The following MDGA2 variants were observed in gnomAD, a reference collection of about 807,000 sequenced individuals.
MDGA2 encodes the protein MAM domain-containing glycosylphosphatidylinositol anchor protein 2.
A neutral mutation model predicts 117.8 loss-of-function variants in MDGA2; 40 were observed. The observed-to-expected ratio is 0.34, with a 90% CI of 0.26 to 0.44. The LOEUF (loss-of-function observed/expected upper bound fraction) is 0.44. Ranked by LOEUF, MDGA2 falls within the 20% of genes least tolerant of loss-of-function variation. The probability of loss-of-function intolerance (pLI) is 1.00; values close to 1 mark genes in which losing one functional copy is unlikely to be tolerated. For synonymous variants in MDGA2, 452 were observed against 439.0 expected, an observed-to-expected ratio of 1.03 and a Z score of -0.37; for missense variants, 1,123 against 1,250.6, an observed-to-expected ratio of 0.90 and a Z score of 1.54.
chr14:47,228,174 A>G (rs2139560086), intron 2 of MDGA2, among the ~76,000 whole-genome samples: 1 of 152,310 alleles, frequency 6.6e-6, no homozygotes, highest in East Asian at 1.9e-4. Flanking sequence ...TTATAAAAAA[A>G]AATACTGGAT....
chr14:47,284,350 T>C (rs1888600129), intron 2 of MDGA2, among the ~76,000 whole-genome samples: 1 of 152,106 alleles, frequency 6.6e-6, no homozygotes, highest in Non-Finnish European at 1.5e-5. Flanking sequence ...AATGTGTCAA[T>C]CAAAACAGTA....
chr14:46,883,323 T>C (rs1333932677), intron 10 of MDGA2, among the ~76,000 whole-genome samples: 1 of 151,992 alleles, frequency 6.6e-6, no homozygotes, highest in Non-Finnish European at 1.5e-5. Context: ...GTTAACATAG[T>C]TAACTGGCAA....
At chr14:46,918,805 GA>G (rs1220825461) in intron 10 of MDGA2, among the ~76,000 whole-genome samples, 2 of 130,506 alleles carry the variant, frequency 1.5e-5, no homozygotes, top group Non-Finnish European at 1.5e-5. Context: ...CTGTTGCCCA[GA>G]GCTGGAGTGC....
intron 5 of MDGA2, among the ~76,000 whole-genome samples, chr14:47,109,761 C>A (rs777484331): frequency 6.6e-6 from 1 of 152,038 alleles, no homozygotes; most frequent in African/African-American, 2.4e-5. Flanking sequence ...ACCTGGCCAA[C>A]ATGGCAAAAA....
At chr14:47,629,461 A>G (rs759439672) in intron 1 of MDGA2, among the ~76,000 whole-genome samples, 4 of 152,242 alleles carry the variant, frequency 2.6e-5, no homozygotes, top group Non-Finnish European at 4.4e-5. Flanking sequence ...GAGGGCAGGC[A>G]TGCCCTATTT....
intron 1 of MDGA2, among the ~76,000 whole-genome samples, chr14:47,424,467 A>C (rs1419390063): frequency 3.3e-5 from 5 of 152,008 alleles, no homozygotes; most frequent in Non-Finnish European, 7.4e-5. Flanking sequence ...AGAGTGACTG[A>C]ATTCAGCACT....
rs529579920 is a variant in MDGA2, at chr14:47,061,526, G to T, written c.1248C>A (p.Asp416Glu). 3 of 1,613,208 alleles carry T rather than the reference G, an allele frequency of 1.9e-6. No individual in the cohort carries two copies. Among genetic ancestry groups the T allele is most frequent in the South Asian group, 1.1e-5 (1 of 91,054 alleles). The change falls in exon 7 of 17, where the codon GAC becomes GAA. Residue 416 changes from aspartate to glutamate, a missense_variant. This residue lies in a region of MDGA2 where 890 missense variants were observed against 1,050.3 expected (regional missense o/e 0.85). Transcript: ENST00000399232. ...WITPDPYHKD[D>E]NIQIGREVKI... ...TCACCTCACGGCCAATCTGGATGTT[G>T]TCATCTTTGTGATAAGGATCTGGTG...
intron 6 of MDGA2, among the ~76,000 whole-genome samples, chr14:47,064,147 C>T (rs1409530242): frequency 6.6e-6 from 1 of 151,830 alleles, no homozygotes; most frequent in Non-Finnish European, 1.5e-5. Context: ...ATGTAATATA[C>T]AATTAGACAA....
intron 3 of MDGA2, among the ~76,000 whole-genome samples, chr14:47,171,084 C>T (rs1389940846): frequency 2.0e-5 from 3 of 152,070 alleles, no homozygotes; most frequent in Non-Finnish European, 4.4e-5. Flanking sequence ...AAGCCATTGG[C>T]TCACAACCCC....
intron 1 of MDGA2, among the ~76,000 whole-genome samples, chr14:47,531,447 A>C (rs536637758): frequency 3.9e-5 from 6 of 152,316 alleles, no homozygotes; most frequent in African/African-American, 1.4e-4. Context: ...CTCATATTAA[A>C]AGGGAAAAGA....
chr14:47,175,018 C>T (rs888596781), intron 3 of MDGA2, among the ~76,000 whole-genome samples: 57 of 152,194 alleles, frequency 3.7e-4, no homozygotes, highest in South Asian at 8.3e-4. Context: ...ATACTACAAA[C>T]ACCTCTACGC....
chr14:47,498,795 A>G (rs949337481), intron 1 of MDGA2, among the ~76,000 whole-genome samples: 4 of 152,186 alleles, frequency 2.6e-5, no homozygotes, highest in African/African-American at 4.8e-5. Flanking sequence ...AAAAGCATAT[A>G]GTACTAATGA....
intron 5 of MDGA2, among the ~76,000 whole-genome samples, chr14:47,120,008 A>G (rs1349322880): frequency 6.6e-6 from 1 of 152,152 alleles, no homozygotes; most frequent in Admixed American, 6.5e-5. Flanking sequence ...AACTACAAAC[A>G]TTTGCCAGCA....
chr14:47,166,528 A>G (rs1883884816), intron 3 of MDGA2, among the ~76,000 whole-genome samples: 1 of 152,162 alleles, frequency 6.6e-6, no homozygotes, highest in Non-Finnish European at 1.5e-5. Context: ...CTCATCCACA[A>G]TGCAGTCATC....
At chr14:46,937,665 G>A (rs1884833357) in intron 9 of MDGA2, among the ~76,000 whole-genome samples, 1 of 152,128 alleles carries the variant, frequency 6.6e-6, no homozygotes, top group South Asian at 2.1e-4. Flanking sequence ...ACAGCCAACT[G>A]ATTTTTGACA....
intron 7 of MDGA2, among the ~76,000 whole-genome samples, chr14:47,040,236 C>T (rs1889014270): frequency 6.6e-6 from 1 of 151,996 alleles, no homozygotes; most frequent in Admixed American, 6.6e-5. Context: ...AGGAGACTTA[C>T]ATGGGGAAAA....
intron 2 of MDGA2, among the ~76,000 whole-genome samples, chr14:47,241,476 T>A (rs1887038628): frequency 6.6e-6 from 1 of 151,942 alleles, no homozygotes; most frequent in African/African-American, 2.4e-5. Flanking sequence ...TTGTGTTTGT[T>A]TTTTGTGTGT....
intron 1 of MDGA2, among the ~76,000 whole-genome samples, chr14:47,668,782 C>A (rs1433354558): frequency 6.6e-6 from 1 of 152,114 alleles, no homozygotes; most frequent in East Asian, 1.9e-4. Flanking sequence ...TAAGGAAGAC[C>A]TTATCTTATT....
intron 8 of MDGA2, among the ~76,000 whole-genome samples, chr14:46,972,463 A>C (rs1258433397): frequency 2.6e-5 from 4 of 152,212 alleles, no homozygotes; most frequent in Non-Finnish European, 5.9e-5. Flanking sequence ...AGGTTAACTC[A>C]GTATATAATT....
Sources: gnomAD v4.1 joint callset for allele counts (sites outside exome capture counted in the v4.1 genomes callset) on GRCh38, gnomAD v4.1.1 for gene constraint, gnomAD v4.1.1 regional missense constraint, MANE v1.5 for transcripts, NCBI Gene and HGNC (gene_info 2026-07-23, HGNC 2026-07-21) for gene names.